Variants in PDE3A observed in about 807,000 individuals in gnomAD.
The protein encoded by PDE3A is phosphodiesterase 3A.
In PDE3A, 43 loss-of-function variants were observed where a neutral mutation model predicts 98.3. That is an observed-to-expected ratio of 0.44 (90% confidence interval 0.34 to 0.56). The LOEUF (loss-of-function observed/expected upper bound fraction) is 0.56. Ranked by LOEUF, PDE3A falls within the 20% of genes least tolerant of loss-of-function variation. PDE3A has a pLI of 0.01. For synonymous variants in PDE3A, 663 were observed against 567.9 expected (o/e 1.17, Z -2.38); for missense variants, 1,427 against 1,440.7 (o/e 0.99, Z 0.15).
intron 1 of PDE3A, among the ~76,000 whole-genome samples, chr12:20,413,943 C>T (rs982442707): frequency 2.6e-5 from 4 of 151,934 alleles, no homozygotes; most frequent in African/African-American, 9.7e-5. Context: ...GCTGTAAATT[C>T]GATTTGATTT....
rs1052941551 is a variant in PDE3A, at chr12:20,522,200, T to C, written c.961-34460T>C. Among the ~76,000 whole-genome samples the C allele has an allele frequency of 1.2e-4, 18 of 152,258 alleles. 1 individual carries two copies. Among genetic ancestry groups the C allele is most frequent in the African/African-American group, 4.3e-4 (18 of 41,542 alleles). On this transcript the variant is annotated intron_variant, in intron 1 of 15. Coordinates refer to ENST00000359062, the MANE Select transcript of PDE3A (RefSeq NM_000921.5). ...AGCATCATTCACGTCTGCTCTCTCA[T>C]GTGCTTGCGATACAGTGACCATCAA...
intron 15 of PDE3A, among the ~76,000 whole-genome samples, chr12:20,664,572 G>A (rs898378215): frequency 6.6e-5 from 10 of 152,252 alleles, no homozygotes; most frequent in Non-Finnish European, 1.5e-4. Flanking sequence ...AGGACCCAAT[G>A]GGAGACACTT....
Position 20,685,578 on chromosome 12 carries a change from T to C in PDE3A, c.*5307T>C. Among the ~76,000 whole-genome samples the C allele has an allele frequency of 6.6e-6, 1 of 152,200 alleles. No homozygotes were observed. The highest frequency in any genetic ancestry group is 3.4e-3 in the Middle Eastern group (1 of 294). ...CCATAAAATACAGTGTATAGAATTA[T>C]ATATAAATGGAAAACAAAATTAGCT... On this transcript the variant is annotated 3_prime_UTR_variant, in exon 16 of 16. Transcript: ENST00000359062.
intron 1 of PDE3A, among the ~76,000 whole-genome samples, chr12:20,475,495 G>A (rs778680268): frequency 2.0e-5 from 3 of 152,188 alleles, no homozygotes; most frequent in South Asian, 2.1e-4. Flanking sequence ...TTGGGAGGAC[G>A]AGGCCAGCAG....
At chr12:20,434,235 G>A (rs1944744578) in intron 1 of PDE3A, among the ~76,000 whole-genome samples, 1 of 151,002 alleles carries the variant, frequency 6.6e-6, no homozygotes, top group Admixed American at 6.6e-5. Flanking sequence ...GCCTGTTTTT[G>A]CTCATGACTA....
chr12:20,650,419 A>G (rs374354475), intron 13 of PDE3A, 26 bp from the exon 14 acceptor site: 1 of 1,536,788 alleles, frequency 6.5e-7, no homozygotes, highest in South Asian at 1.2e-5. Flanking sequence ...AAAGCAAAAC[A>G]TATATTAACT....
chr12:20,665,506 G>A (rs1441820822), intron 15 of PDE3A, among the ~76,000 whole-genome samples: 1 of 152,122 alleles, frequency 6.6e-6, no homozygotes, highest in African/African-American at 2.4e-5. Context: ...TATAAGATCT[G>A]TACAGGTTTG....
chr12:20,414,752 C>G (rs1425457244), intron 1 of PDE3A, among the ~76,000 whole-genome samples: 1 of 152,122 alleles, frequency 6.6e-6, no homozygotes, highest in African/African-American at 2.4e-5. Flanking sequence ...TCTTTTTCTT[C>G]TGAGCCAAGT....
intron 1 of PDE3A, among the ~76,000 whole-genome samples, chr12:20,464,468 C>T (rs1479290864): frequency 6.6e-6 from 1 of 152,038 alleles, no homozygotes; most frequent in Non-Finnish European, 1.5e-5. Context: ...TTTCCCATTG[C>T]TTGGCTAATT....
intron 1 of PDE3A, among the ~76,000 whole-genome samples, chr12:20,390,589 GA>G (rs34775213): frequency 0.75 from 113,719 of 151,502 alleles, 43,246 homozygotes; most frequent in East Asian, 0.98. Context: ...TGGTCACTGA[GA>G]AAAAAAAGCA....
intron 2 of PDE3A, among the ~76,000 whole-genome samples, chr12:20,570,609 G>A (rs553146906): frequency 6.6e-6 from 1 of 152,152 alleles, no homozygotes; most frequent in Non-Finnish European, 1.5e-5. Flanking sequence ...TATGAAATAG[G>A]TTAAATGATT....
At chr12:20,386,366 G>T (rs562128511) in intron 1 of PDE3A, among the ~76,000 whole-genome samples, 2 of 148,560 alleles carry the variant, frequency 1.3e-5, no homozygotes, top group Non-Finnish European at 3.0e-5. Context: ...GTTTTGGTTT[G>T]CATTTCTCTA....
intron 1 of PDE3A, among the ~76,000 whole-genome samples, chr12:20,535,578 C>T (rs1302808594): frequency 1.3e-5 from 2 of 152,074 alleles, no homozygotes; most frequent in Non-Finnish European, 2.9e-5. Context: ...AATGCATGAA[C>T]AGTACTTAGT....
At chr12:20,618,260 T>C (rs1409295552) in intron 4 of PDE3A, among the ~76,000 whole-genome samples, 1 of 152,134 alleles carries the variant, frequency 6.6e-6, no homozygotes, top group Non-Finnish European at 1.5e-5. Flanking sequence ...GTACCACCAC[T>C]AAATACAGCT....
In PDE3A at chr12:20,393,763, T is replaced by C. The variant is rs1943961642; in HGVS notation, c.960+23519T>C. On this transcript the variant is annotated intron_variant, in intron 1 of 15. Transcript: ENST00000359062. ...TAAGGTGGCACCGTTAATGGTGAAA[T>C]GAACTTTTCATCCTAGGTGCACCCT... Among the ~76,000 whole-genome samples the C allele has an allele frequency of 2.0e-5, 3 of 152,190 alleles. 1 individual carries two copies. In the South Asian group the frequency reaches 6.2e-4, roughly 32 times the overall value.
intron 2 of PDE3A, among the ~76,000 whole-genome samples, chr12:20,609,361 G>T (rs1015533494): frequency 1.3e-5 from 2 of 151,880 alleles, no homozygotes; most frequent in African/African-American, 4.8e-5. Flanking sequence ...AACCAAGGAG[G>T]TAAAAGATTT....
chr12:20,511,528 A>G (rs1343981949), intron 1 of PDE3A, among the ~76,000 whole-genome samples: 1 of 152,104 alleles, frequency 6.6e-6, no homozygotes, highest in East Asian at 1.9e-4. Flanking sequence ...CCTAAGAAAC[A>G]AAATGAATAA....
intron 1 of PDE3A, among the ~76,000 whole-genome samples, chr12:20,447,761 AATCAAAC>A (rs1944981559): frequency 6.6e-6 from 1 of 152,190 alleles, no homozygotes; most frequent in Non-Finnish European, 1.5e-5. Context: ...CTAGAAAATT[AATCAAAC>A]ACAAAGAGGT....
At chr12:20,450,261 T>G (rs74781941) in intron 1 of PDE3A, among the ~76,000 whole-genome samples, 6,155 of 152,338 alleles carry the variant, frequency 0.04, 171 homozygotes, top group South Asian at 0.071. Context: ...GTGAGGTTTA[T>G]GCTAAACACT....
Sources: gnomAD v4.1 joint callset for allele counts (sites outside exome capture counted in the v4.1 genomes callset) on GRCh38, gnomAD v4.1.1 for gene constraint, MANE v1.5 for transcripts, NCBI Gene and HGNC (gene_info 2026-07-23, HGNC 2026-07-21) for gene names.